GSE1: variants seen among roughly 807,000 people sequenced by gnomAD.
GSE1 encodes the protein genetic suppressor element 1.
Under a neutral mutation model 112.6 loss-of-function variants are expected in GSE1, and 32 were observed. The ratio of observed to expected loss-of-function variants is 0.28; its 90% CI spans 0.21 to 0.38. The LOEUF is 0.38. GSE1 is among the 10% of genes least tolerant of loss of function. The probability of loss-of-function intolerance (pLI) is 1.00; values close to 1 mark genes in which losing one functional copy is unlikely to be tolerated. For synonymous variants in GSE1, 1,115 were observed against 735.6 expected (o/e 1.52, Z -8.35); for missense variants, 2,348 against 1,699.2 (o/e 1.38, Z -6.71).
Position 85,639,921 on chromosome 16 carries a change from C to T in GSE1, c.226+5789C>T, listed in dbSNP as rs191549230. ...GGGGAGCCTTGCGTGTCCTCAGCTGCTCCAGGAGGCACAGGCAGCACCTGG... is the reference window on the plus strand; with the variant it reads ...GGGGAGCCTTGCGTGTCCTCAGCTGTTCCAGGAGGCACAGGCAGCACCTGG... On this transcript the variant is annotated intron_variant, in intron 2 of 15. Coordinates refer to ENST00000253458, the MANE Select transcript of GSE1 (RefSeq NM_014615.5). 2.6e-3 allele frequency among the ~76,000 whole-genome samples: 401 copies of T among 152,046 alleles called. 1 individual carries two copies. The highest frequency in any genetic ancestry group is 8.5e-3 in the African/African-American group (353 of 41,484).
rs2048944938 is a variant in GSE1, at chr16:85,624,549, C to T, written c.8-9365C>T. The stretch of plus-strand genomic sequence containing the variant: ...TGAGAGCTGCCACAGGGAGGGGACC[C>T]CAAGTGACGCCAGCCATTTCCAATC... On this transcript the variant is annotated intron_variant, in intron 1 of 15. Transcript: ENST00000253458. 2.6e-5 allele frequency among the ~76,000 whole-genome samples: 4 copies of T among 152,214 alleles called. No homozygotes were observed. The South Asian group carries it at 8.3e-4, about 32-fold the overall frequency.
chr16:85,343,099 C>T (rs1345076364), intron 1 of GSE1, among the ~76,000 whole-genome samples: 1 of 151,998 alleles, frequency 6.6e-6, no homozygotes, highest in Non-Finnish European at 1.5e-5. Flanking sequence ...CTTCTTGATC[C>T]TGTTAAACCC....
chr16:85,398,122 G>A (rs1472392329), intron 2 of GSE1, among the ~76,000 whole-genome samples: 4 of 152,178 alleles, frequency 2.6e-5, no homozygotes, highest in African/African-American at 4.8e-5. Context: ...TTCGGACCCC[G>A]ATGAGTGATG....
chr16:85,669,753 G>A (rs970159614), intron 14 of GSE1, among the ~76,000 whole-genome samples: 20 of 152,108 alleles, frequency 1.3e-4, no homozygotes, highest in African/African-American at 4.3e-4. Context: ...CCTGTTCTGC[G>A]TAGGATTCAT....
rs762272874 is a variant in GSE1, at chr16:85,654,802, G to A, written c.608G>A (p.Arg203Gln). Reference protein sequence around the residue: ...DSRFPPLNLQRPVHHVVPPST... With the variant: ...DSRFPPLNLQQPVHHVVPPST... Reference sequence around the variant, plus strand: ...ACTATCCCCGCCTGCAGCCTCCAGCGGCCCGTGCACCACGTGGTGCCCCCC... The same window carrying A: ...ACTATCCCCGCCTGCAGCCTCCAGCAGCCCGTGCACCACGTGGTGCCCCCC... Residue 203 changes from arginine to glutamine, a missense_variant, in exon 5 of 16, where the codon CGG becomes CAG. Arg to Gln is a conservative substitution (Grantham distance 43). Coordinates refer to ENST00000253458, the MANE Select transcript of GSE1 (RefSeq NM_014615.5). The A allele has an allele frequency of 6.8e-5, 109 of 1,609,472 alleles. No individual in the cohort carries two copies. The highest frequency in any genetic ancestry group is 1.6e-4 in the East Asian group (7 of 44,832).
intron 1 of GSE1, among the ~76,000 whole-genome samples, chr16:85,227,351 C>T (rs754555401): frequency 3.9e-5 from 6 of 152,252 alleles, no homozygotes; most frequent in Middle Eastern, 3.2e-3. Flanking sequence ...CAGGCCTCTT[C>T]TCACGGACCT....
At chr16:85,357,700 G>A (rs1204876103) in intron 2 of GSE1, 2 of 1,152,714 alleles carry the variant, frequency 1.7e-6, no homozygotes, top group Non-Finnish European at 2.3e-6. Context: ...GGTTGTCCCA[G>A]CAGGGATGGG....
intron 1 of GSE1, among the ~76,000 whole-genome samples, chr16:85,173,202 G>A (rs760986786): frequency 2.6e-5 from 4 of 152,228 alleles, no homozygotes; most frequent in Middle Eastern, 6.3e-3. Context: ...TCCTTACCAT[G>A]GCGCTGCGAG....
chr16:85,638,845 G>C (rs1474293373), intron 2 of GSE1, among the ~76,000 whole-genome samples: 2 of 152,004 alleles, frequency 1.3e-5, no homozygotes, highest in Non-Finnish European at 2.9e-5. Context: ...GGGTTGGAAG[G>C]TGTGGGTCCG....
chr16:85,280,582 G>A (rs560978189), intron 1 of GSE1, among the ~76,000 whole-genome samples: 1 of 152,252 alleles, frequency 6.6e-6, no homozygotes, highest in East Asian at 1.9e-4. Flanking sequence ...CTTTAGTAGA[G>A]ACGGGATTTT....
intron 1 of GSE1, among the ~76,000 whole-genome samples, chr16:85,590,295 T>C (rs111067812): frequency 0.023 from 3,430 of 149,060 alleles, 143 homozygotes; most frequent in African/African-American, 0.079. Flanking sequence ...TGTGACTGTG[T>C]GTGTGAACGC....
intron 1 of GSE1, among the ~76,000 whole-genome samples, chr16:85,556,921 G>A (rs2045256169): frequency 6.6e-6 from 1 of 152,054 alleles, no homozygotes; most frequent in Non-Finnish European, 1.5e-5. Context: ...GGGAAGCTCA[G>A]GAGGGTATTT....
intron 1 of GSE1, among the ~76,000 whole-genome samples, chr16:85,244,070 GAGCGGAGATTGCACC>G (rs1305220440): frequency 3.3e-5 from 5 of 152,176 alleles, no homozygotes; most frequent in African/African-American, 1.2e-4. Context: ...AGGTTGCCGT[GAGCGGAGATTGCACC>G]ATTGCACTCC....
chr16:85,187,617 G>A (rs964488115), intron 1 of GSE1, among the ~76,000 whole-genome samples: 6 of 151,958 alleles, frequency 3.9e-5, no homozygotes, highest in Non-Finnish European at 8.8e-5. Context: ...GCTCTTGACC[G>A]GGAGATGGCG....
At chr16:85,273,627 A>T (rs1597254144) in intron 1 of GSE1, among the ~76,000 whole-genome samples, 1 of 152,274 alleles carries the variant, frequency 6.6e-6, no homozygotes, top group South Asian at 2.1e-4. Flanking sequence ...CGGAAAGCAG[A>T]CTGGTGCTGC....
chr16:85,675,477 T>A lies in GSE1; in HGVS notation c.*2938T>A, dbSNP rs185369371. On this transcript the variant is annotated 3_prime_UTR_variant, in exon 16 of 16. Coordinates refer to ENST00000253458, the MANE Select transcript of GSE1 (RefSeq NM_014615.5). ...ACTTTCCACATTTTAGTCTACATTC[T>A]AATCTTAAAGGAATAAAGCACTGAA... is the stretch of plus-strand genomic sequence containing the variant. 4 of 152,362 alleles carry A rather than the reference T, an allele frequency of 2.6e-5. No homozygotes were observed. The East Asian group carries it at 7.7e-4, about 29-fold the overall frequency. The allele number at this position is 152,362 out of a possible 1,614,324, so 9.4% of individuals were successfully genotyped here. A position where few individuals can be genotyped will look rare whatever the true frequency, so the allele number is the denominator to read the frequency against.
chr16:85,317,372 C>T (rs1020897221), intron 1 of GSE1, among the ~76,000 whole-genome samples: 11 of 152,150 alleles, frequency 7.2e-5, no homozygotes, highest in Non-Finnish European at 1.5e-4. Flanking sequence ...GTGCACACCA[C>T]GCTTCCTACC....
intron 2 of GSE1, among the ~76,000 whole-genome samples, chr16:85,388,320 A>ATGGT (rs2047743773): frequency 1.2e-5 from 1 of 80,054 alleles, no homozygotes; most frequent in Non-Finnish European, 2.4e-5. Context: ...GGATGGATGG[A>ATGGT]TGGATGGATG....
At position 85,664,777 on chromosome 16, in the gene GSE1, G is replaced by A. The variant is rs117403671; in HGVS notation, c.2645-238G>A. 6.4e-4 allele frequency: 298 copies of A among 463,256 alleles called. No homozygotes were observed. The East Asian group carries it at 8.4e-3, about 13-fold the overall frequency. The allele number at this position is 463,256 out of a possible 1,614,324, so 28.7% of individuals were successfully genotyped here. Reference sequence around the variant, plus strand: ...AGTGATTCACAGAGGCGTCGTCACCGCACGGACAGCTGTCTTTGGAGCACG... The same window carrying A: ...AGTGATTCACAGAGGCGTCGTCACCACACGGACAGCTGTCTTTGGAGCACG... On this transcript the variant is annotated intron_variant, in intron 11 of 15. Transcript: ENST00000253458.
Sources: allele counts gnomAD v4.1 joint callset (sites outside exome capture counted in the v4.1 genomes callset), GRCh38; gene constraint gnomAD v4.1.1; transcripts MANE v1.5; gene names NCBI Gene and HGNC (gene_info 2026-07-23, HGNC 2026-07-21).